ZMAT4: variants seen among roughly 807,000 people sequenced by gnomAD.
ZMAT4 encodes zinc finger matrin-type 4, also known as zinc finger matrin-type protein 4.
Under a neutral mutation model 28.7 loss-of-function variants are expected in ZMAT4, and 17 were observed. The ratio of observed to expected loss-of-function variants is 0.59; its 90% CI spans 0.41 to 0.89. The LOEUF (loss-of-function observed/expected upper bound fraction) is 0.89. ZMAT4 is among the 40% of genes least tolerant of loss of function. The pLI is 0.00. For missense variants in ZMAT4, 240 were observed against 283.8 expected, an observed-to-expected ratio of 0.85 and a Z score of 1.11; for synonymous variants, 117 against 109.2, an observed-to-expected ratio of 1.07 and a Z score of -0.44.
chr8:40,819,050 A>G (rs1192176279), intron 2 of ZMAT4, among the ~76,000 whole-genome samples: 1 of 152,170 alleles, frequency 6.6e-6, no homozygotes, highest in East Asian at 1.9e-4. Context: ...ATGCCCTTCC[A>G]GCTATTCCCC....
At chr8:40,586,884 G>A (rs1363763268) in intron 5 of ZMAT4, among the ~76,000 whole-genome samples, 1 of 152,104 alleles carries the variant, frequency 6.6e-6, no homozygotes, top group Non-Finnish European at 1.5e-5. Flanking sequence ...TGAAAGTGTT[G>A]CACAGTATAT....
At chr8:40,738,951 C>T (rs1811887852) in intron 3 of ZMAT4, among the ~76,000 whole-genome samples, 1 of 152,208 alleles carries the variant, frequency 6.6e-6, no homozygotes, top group Non-Finnish European at 1.5e-5. Flanking sequence ...ATAAAAGTTT[C>T]ATTACATTTA....
At chr8:40,637,831 G>A (rs543498355) in intron 5 of ZMAT4, among the ~76,000 whole-genome samples, 9 of 152,128 alleles carry the variant, frequency 5.9e-5, no homozygotes, top group South Asian at 2.1e-4. Context: ...AAGAGGTATT[G>A]GGAAGACTTT....
intron 5 of ZMAT4, among the ~76,000 whole-genome samples, chr8:40,641,903 G>A (rs1357673400): frequency 6.6e-6 from 1 of 150,796 alleles, no homozygotes; most frequent in Non-Finnish European, 1.5e-5. Context: ...AAGCAGCCTG[G>A]GCAACAAAGC....
At position 40,808,530 on chromosome 8, in the gene ZMAT4, G is replaced by C. The variant is rs563672665; in HGVS notation, c.102+17045C>G. The C allele has an allele frequency of 1.3e-5, 6 of 455,550 alleles. No individual in the cohort carries two copies. In the East Asian group the frequency reaches 3.5e-4, roughly 26 times the overall value. The allele number at this position is 455,550 out of a possible 1,614,324, so 28.2% of individuals were successfully genotyped here. ...TCACCTTGACTTATTGACACAGCTAGTTTTAAGTTACATTGCTCATTCCCA... is the reference window on the plus strand; with the variant it reads ...TCACCTTGACTTATTGACACAGCTACTTTTAAGTTACATTGCTCATTCCCA... On this transcript the variant is annotated intron_variant, in intron 2 of 6. Transcript: ENST00000297737.
intron 2 of ZMAT4, among the ~76,000 whole-genome samples, chr8:40,797,247 A>G (rs1287473063): frequency 6.6e-6 from 1 of 152,204 alleles, no homozygotes; most frequent in African/African-American, 2.4e-5. Flanking sequence ...AAAAAGCACC[A>G]GCACCTGTCT....
intron 6 of ZMAT4, among the ~76,000 whole-genome samples, chr8:40,544,311 C>G (rs538255082): frequency 4.3e-4 from 65 of 152,086 alleles, no homozygotes; most frequent in Non-Finnish European, 8.1e-4. Flanking sequence ...GCAAAATATG[C>G]TAGAATTAAG....
At chr8:40,738,991 C>T (rs914421962) in intron 3 of ZMAT4, among the ~76,000 whole-genome samples, 4 of 152,208 alleles carry the variant, frequency 2.6e-5, no homozygotes, top group African/African-American at 7.2e-5. Flanking sequence ...GATTTTCCCT[C>T]TTTACTAGAA....
In ZMAT4 at chr8:40,601,494, A is replaced by AAAGAAAGAAAGAAAGAAAGAAAGAAAGC. The variant is rs1220602089; in HGVS notation, c.578-20234_578-20233insGCTTTCTTTCTTTCTTTCTTTCTTTCTT. On this transcript the variant is annotated intron_variant, in intron 5 of 6. Transcript: ENST00000297737. ...GAAAGAAAGAAAGAAAGAAAGAAAG[A>AAAGAAAGAAAGAAAGAAAGAAAGAAAGC]GAGAAAGAAAGAAAGAGAAAGAGAA... 2.4e-4 allele frequency among the ~76,000 whole-genome samples: 20 copies of AAAGAAAGAAAGAAAGAAAGAAAGAAAGC among 82,124 alleles called. 3 individuals carry two copies. The highest frequency in any genetic ancestry group is 4.4e-4 in the Non-Finnish European group (13 of 29,296). 53.9% of individuals were successfully genotyped at this position (82,124 alleles called of 152,430 possible).
intron 4 of ZMAT4, among the ~76,000 whole-genome samples, chr8:40,681,636 G>T (rs1381883643): frequency 6.6e-6 from 1 of 152,204 alleles, no homozygotes; most frequent in Non-Finnish European, 1.5e-5. Context: ...GCAGAGGCAT[G>T]GGCCTTTTGT....
At chr8:40,688,590 G>C (rs983003343) in intron 4 of ZMAT4, among the ~76,000 whole-genome samples, 13 of 152,144 alleles carry the variant, frequency 8.5e-5, no homozygotes, top group African/African-American at 2.7e-4. Flanking sequence ...TTTATGATTA[G>C]AGCCATAAAC....
At chr8:40,809,554 C>T (rs1815237309) in intron 2 of ZMAT4, among the ~76,000 whole-genome samples, 1 of 152,060 alleles carries the variant, frequency 6.6e-6, no homozygotes, top group Admixed American at 6.6e-5. Flanking sequence ...AGTTAAAAGA[C>T]TAATGATTAA....
At chr8:40,538,213 A>C (rs922372979) in intron 6 of ZMAT4, among the ~76,000 whole-genome samples, 1 of 152,158 alleles carries the variant, frequency 6.6e-6, no homozygotes, top group African/African-American at 2.4e-5. Flanking sequence ...GCAAATAAAA[A>C]CTTGTGCCTC....
In ZMAT4 at chr8:40,616,800, T is replaced by C. The variant is rs182828903; in HGVS notation, c.578-35539A>G. ...TACCTAATGCTAAATGACGAGTTAA[T>C]GGGTGCAGCACACCAACATGGCACA... On this transcript the variant is annotated intron_variant, in intron 5 of 6. Transcript: ENST00000297737. 5.0e-4 allele frequency among the ~76,000 whole-genome samples: 76 copies of C among 150,978 alleles called. No homozygotes were observed. In the East Asian group the frequency reaches 0.014, roughly 28 times the overall value.
chr8:40,865,580 C>T (rs1266613169), intron 1 of ZMAT4, among the ~76,000 whole-genome samples: 3 of 152,190 alleles, frequency 2.0e-5, no homozygotes, highest in Non-Finnish European at 4.4e-5. Context: ...CCATGCTGCA[C>T]AGCCAGCTGG....
chr8:40,659,246 A>AGAT (rs1383992049), intron 5 of ZMAT4, among the ~76,000 whole-genome samples: 1 of 152,172 alleles, frequency 6.6e-6, no homozygotes, highest in Non-Finnish European at 1.5e-5. Flanking sequence ...AAAGTGAAGG[A>AGAT]GATTATGAAA....
At chr8:40,722,980 T>C (rs1186588480) in intron 3 of ZMAT4, among the ~76,000 whole-genome samples, 1 of 152,170 alleles carries the variant, frequency 6.6e-6, no homozygotes, top group Non-Finnish European at 1.5e-5. Context: ...ACTGGGACCA[T>C]GCCATTTCTT....
intron 6 of ZMAT4, among the ~76,000 whole-genome samples, chr8:40,532,581 A>C (rs1802724474): frequency 6.6e-6 from 1 of 152,190 alleles, no homozygotes; most frequent in African/African-American, 2.4e-5. Context: ...TTTCAGGTAT[A>C]ACTACATGCA....
chr8:40,773,971 C>A (rs1161199152), intron 2 of ZMAT4, among the ~76,000 whole-genome samples: 1 of 151,880 alleles, frequency 6.6e-6, no homozygotes, highest in African/African-American at 2.4e-5. Flanking sequence ...AAAATAGAGT[C>A]AATAATTTGG....
Sources: allele counts gnomAD v4.1 joint callset (sites outside exome capture counted in the v4.1 genomes callset), GRCh38; gene constraint gnomAD v4.1.1; transcripts MANE v1.5; gene names NCBI Gene and HGNC (gene_info 2026-07-23, HGNC 2026-07-21).